Variants in RO60 observed in about 807,000 individuals in gnomAD.
The protein encoded by RO60 is Ro60, Y RNA binding protein.
RO60 carries 20 observed loss-of-function variants against 55.3 expected under a neutral mutation model. That is an observed-to-expected ratio of 0.36 (90% CI 0.25 to 0.53). The LOEUF (loss-of-function observed/expected upper bound fraction) is 0.53, where lower values mean the gene tolerates loss of function less well. RO60 is among the 20% of genes least tolerant of loss of function. The pLI is 0.92. For missense variants in RO60, 558 were observed against 646.6 expected, an observed-to-expected ratio of 0.86 and a Z score of 1.49; for synonymous variants, 213 against 213.6, an observed-to-expected ratio of 1.00 and a Z score of 0.02.
intron 1 of RO60, among the ~76,000 whole-genome samples, chr1:193,065,583 A>C (rs1260850738): frequency 6.6e-6 from 1 of 152,202 alleles, no homozygotes; most frequent in Non-Finnish European, 1.5e-5. Flanking sequence ...AACATTGTCT[A>C]CTGGAATTGG....
At position 193,089,553 on chromosome 1, in the gene RO60, C is replaced by A. The variant is rs1328892989; in HGVS notation, c.*4822C>A. 6.6e-6 allele frequency: 1 copy of A among 151,846 alleles called. No individual in the cohort carries two copies. The highest frequency in any genetic ancestry group is 2.4e-5 in the African/African-American group (1 of 41,322). 9.4% of individuals were successfully genotyped at this position (151,846 alleles called of 1,614,324 possible). ...TTGAATAAAATTATAATAAATGGCA[C>A]AATTCCTTAAACCCTGAAAATACCA... On this transcript the variant is annotated 3_prime_UTR_variant, in exon 9 of 9. Coordinates refer to ENST00000400968, the MANE Select transcript of RO60 (RefSeq NM_001173524.2).
intron 2 of RO60, among the ~76,000 whole-genome samples, chr1:193,073,525 T>C (rs1395404680): frequency 6.6e-6 from 1 of 152,178 alleles, no homozygotes; most frequent in Non-Finnish European, 1.5e-5. Context: ...GGGCACACTC[T>C]GTTCAGTCAC....
In RO60 at chr1:193,081,392, T is replaced by C; in HGVS notation, c.1115T>C (p.Leu372Ser). The C allele has an allele frequency of 6.2e-7, 1 of 1,607,842 alleles. No homozygotes were observed. The highest frequency in any genetic ancestry group is 8.5e-7 in the Non-Finnish European group (1 of 1,175,902). ...KTVEPTGKRFLLAVDVSASMN... is the reference protein window; with the variant it reads ...KTVEPTGKRFSLAVDVSASMN... ...GTTGAACCAACTGGAAAACGTTTCT[T>C]ACTAGCTGTTGATGTCAGTGCTTCT... The change falls in exon 6 of 9, where the codon TTA (leucine) becomes TCA (serine). Residue 372 changes from leucine to serine, a missense_variant. By Grantham distance (145) the Leu-to-Ser change is moderately radical. Transcript: ENST00000400968.
rs557556271 is a variant in RO60, at chr1:193,059,638, A to C, written c.-160A>C. The C allele has an allele frequency of 4.9e-5, 69 of 1,395,440 alleles. No individual in the cohort carries two copies. In the South Asian group the frequency reaches 6.9e-4, roughly 14 times the overall value. 86.4% of individuals were successfully genotyped at this position (1,395,440 alleles called of 1,614,324 possible). A position where few individuals can be genotyped will look rare whatever the true frequency, so the allele number is the denominator to read the frequency against. On this transcript the variant is annotated 5_prime_UTR_variant, in exon 1 of 9. Coordinates refer to ENST00000400968, the MANE Select transcript of RO60 (RefSeq NM_001173524.2). The surrounding 1 kb of genome is among the most constrained non-coding windows in gnomAD (Gnocchi z 4.9). The stretch of plus-strand genomic sequence containing the variant: ...CTCGTTCCCGGGAACCGAACCTGGA[A>C]TCCCCGGCGGCAGTGGGGCTGTTGC...
At chr1:193,081,514 A>T in intron 6 of RO60, 34 bp downstream of exon 6, 1 of 1,271,538 alleles carries the variant, frequency 7.9e-7, no homozygotes, top group Non-Finnish European at 1.1e-6. Context: ...GCCATTCTAA[A>T]AACATGTTTA....
In RO60 at chr1:193,090,272, T is replaced by C. The variant is rs1281859647; in HGVS notation, c.*5541T>C. 2.0e-5 allele frequency: 3 copies of C among 152,192 alleles called. No individual in the cohort carries two copies. The East Asian group carries it at 5.8e-4, about 29-fold the overall frequency. 9.4% of individuals were successfully genotyped at this position (152,192 alleles called of 1,614,324 possible). A position where few individuals can be genotyped will look rare whatever the true frequency, so the allele number is the denominator to read the frequency against. On this transcript the variant is annotated 3_prime_UTR_variant, in exon 9 of 9. Coordinates refer to ENST00000400968, the MANE Select transcript of RO60 (RefSeq NM_001173524.2). ...AATTAAAACCCTGCTGTTTTAAATA[T>C]CATTACCAGATATAATTGAGGGAAT...
At chr1:193,076,462 C>A (rs761431364) in intron 3 of RO60, 39 bp from the exon 4 acceptor site, 53 of 1,594,946 alleles carry the variant, frequency 3.3e-5, no homozygotes, top group Non-Finnish European at 4.3e-5. Context: ...ATTTATTTTC[C>A]CTTAATTCCT....
In RO60 at chr1:193,069,477, T is replaced by A; in HGVS notation, c.423T>A (p.Cys141Ter). 2 of 1,614,234 alleles carry A rather than the reference T, an allele frequency of 1.2e-6. No homozygotes were observed. Among genetic ancestry groups the A allele is most frequent in the Non-Finnish European group, 1.7e-6 (2 of 1,180,042 alleles). The change falls in exon 2 of 9, where the codon TGT becomes TGA. Residue 141 changes from cysteine (C) to a stop codon, truncating the protein, a stop_gained. Coordinates refer to ENST00000400968, the MANE Select transcript of RO60 (RefSeq NM_001173524.2). LOFTEE classifies it high-confidence loss of function. Reference sequence around the variant, plus strand: ...AAGATCTGAAGGAAAGCATGAAATGTGGCATGTGGGGTCGTGCCCTCCGGA... The same window carrying A: ...AAGATCTGAAGGAAAGCATGAAATGAGGCATGTGGGGTCGTGCCCTCCGGA... ...FKKDLKESMK[C>*]GMWGRALRKA...
chr1:193,070,528 C>CT (rs748288245), intron 2 of RO60: 23,936 of 362,374 alleles, frequency 0.066, no homozygotes, highest in South Asian at 0.1. Context: ...CAAAATTTGA[C>CT]TTTTTTTTTT....
In RO60 at chr1:193,059,675, C is replaced by T. The variant is rs1263563249; in HGVS notation, c.-123C>T. 5 of 1,369,222 alleles carry T rather than the reference C, an allele frequency of 3.7e-6. No homozygotes were observed. Among genetic ancestry groups the T allele is most frequent in the Non-Finnish European group, 4.9e-6 (5 of 1,026,114 alleles). 84.8% of individuals were successfully genotyped at this position (1,369,222 alleles called of 1,614,324 possible). A position where few individuals can be genotyped will look rare whatever the true frequency, so the allele number is the denominator to read the frequency against. ...AGTGGGGCTGTTGCTGTTGCTGTGG[C>T]TGTCGCTGCCCGTCAGGCTGCCTTC... is the stretch of plus-strand genomic sequence containing the variant. On this transcript the variant is annotated 5_prime_UTR_variant, in exon 1 of 9. Coordinates refer to ENST00000400968, the MANE Select transcript of RO60 (RefSeq NM_001173524.2). The surrounding 1 kb of genome is among the most constrained non-coding windows in gnomAD (Gnocchi z 4.9).
At chr1:193,082,990 C>T (rs1385440190) in intron 8 of RO60, among the ~76,000 whole-genome samples, 1 of 152,034 alleles carries the variant, frequency 6.6e-6, no homozygotes, top group African/African-American at 2.4e-5. Context: ...CTCCTAGGCT[C>T]AAGCGATTCT....
intron 1 of RO60, chr1:193,060,223 G>A (rs986027238): frequency 1.3e-6 from 1 of 741,222 alleles, no homozygotes; most frequent in Non-Finnish European, 1.9e-6. Flanking sequence ...GAGGAGAAAG[G>A]TTTGTCCATG....
intron 4 of RO60, 92 bp from the exon 5 acceptor site, chr1:193,076,820 GA>G: frequency 7.2e-7 from 1 of 1,393,368 alleles, no homozygotes; most frequent in East Asian, 2.3e-5. Flanking sequence ...TTTTCTATAT[GA>G]AATGTAGTTA....
rs1673352951 is a variant in RO60 at position 193,069,733 on chromosome 1, G to A, written c.580+99G>A. ...TAAGACAAGTGTGTAATATTTTCTA[G>A]AAATAGCCTTTTATTCTCAAAATAT... On this transcript the variant is annotated intron_variant, in intron 2 of 8. Coordinates refer to ENST00000400968, the MANE Select transcript of RO60 (RefSeq NM_001173524.2). 7 of 939,756 alleles carry A rather than the reference G, an allele frequency of 7.4e-6. No homozygotes were observed. The African/African-American group carries it at 1.0e-4, about 13-fold the overall frequency. 58.2% of individuals were successfully genotyped at this position (939,756 alleles called of 1,614,324 possible).
In RO60 at chr1:193,088,348, A is replaced by C. The variant is rs1276404876; in HGVS notation, c.*3617A>C. The C allele has an allele frequency of 2.7e-5, 4 of 150,286 alleles. No homozygotes were observed. In the East Asian group the frequency reaches 5.8e-4, roughly 22 times the overall value. 9.3% of individuals were successfully genotyped at this position (150,286 alleles called of 1,614,324 possible). On this transcript the variant is annotated 3_prime_UTR_variant, in exon 9 of 9. Transcript: ENST00000400968. The stretch of plus-strand genomic sequence containing the variant: ...TCTTAATCTTTTAAAGTAACCAGTA[A>C]ATCTACAAATAGTAAAGTACTATTT...
At chr1:193,074,584 G>A (rs1244321314) in intron 2 of RO60, among the ~76,000 whole-genome samples, 1 of 152,114 alleles carries the variant, frequency 6.6e-6, no homozygotes, top group African/African-American at 2.4e-5. Context: ...TGATGGGGTT[G>A]TTTTTTTCTT....
rs553770326 is a variant in RO60, at chr1:193,086,107, C to T, written c.*1376C>T. The T allele has an allele frequency of 1.1e-5, 10 of 872,252 alleles. No homozygotes were observed. The highest frequency in any genetic ancestry group is 5.3e-5 in the South Asian group (1 of 18,960). 54.0% of individuals were successfully genotyped at this position (872,252 alleles called of 1,614,324 possible). A position where few individuals can be genotyped will look rare whatever the true frequency, so the allele number is the denominator to read the frequency against. ...TACTGAGGATTTGTAAGGTCCTTCT[C>T]GCTGTTATGTGAAAAGTCAAACTGT... On this transcript the variant is annotated 3_prime_UTR_variant, in exon 9 of 9. Transcript: ENST00000400968.
chr1:193,083,072 T>C (rs890483459), intron 8 of RO60, among the ~76,000 whole-genome samples: 5 of 152,152 alleles, frequency 3.3e-5, no homozygotes, highest in East Asian at 1.9e-4. Context: ...TATTCACTTA[T>C]GTGTTTCAAA....
Position 193,069,476 on chromosome 1 carries a change from G to GA in RO60, c.422_423insA (p.Cys141Ter). The GA allele has an allele frequency of 1.2e-6, 2 of 1,614,240 alleles. No homozygotes were observed. Among genetic ancestry groups the GA allele is most frequent in the Non-Finnish European group, 1.7e-6 (2 of 1,180,046 alleles). ...AAAGATCTGAAGGAAAGCATGAAAT[G>GA]TGGCATGTGGGGTCGTGCCCTCCGG... The part of the protein sequence containing the change: ...FKKDLKESMK[C>*]GMWGRALRKA... Residue 141 changes from cysteine (C) to a stop codon, truncating the protein, a stop_gained and frameshift_variant, in exon 2 of 9, where the codon TGT (cysteine) becomes TGAT (stop). Coordinates refer to ENST00000400968, the MANE Select transcript of RO60 (RefSeq NM_001173524.2). LOFTEE classifies it high-confidence loss of function.
Sources: gnomAD v4.1 joint callset for allele counts (sites outside exome capture counted in the v4.1 genomes callset) on GRCh38, gnomAD v4.1.1 for gene constraint, Gnocchi (gnomAD v3.1) non-coding constraint, MANE v1.5 for transcripts, NCBI Gene and HGNC (gene_info 2026-07-23, HGNC 2026-07-21) for gene names.